The following FGD4 variants were observed in gnomAD, a reference collection of about 807,000 sequenced individuals.
FGD4 encodes FYVE, RhoGEF and PH domain-containing protein 4.
In FGD4, 42 loss-of-function variants were observed where a neutral mutation model predicts 102.0. The ratio of observed to expected loss-of-function variants is 0.41; its 90% CI spans 0.32 to 0.53. The LOEUF is 0.53. Ranked by LOEUF, FGD4 falls within the 20% of genes least tolerant of loss-of-function variation. The pLI is 0.21. For synonymous variants in FGD4, 380 were observed against 375.7 expected, an observed-to-expected ratio of 1.01 and a Z score of -0.13; for missense variants, 902 against 1,078.2, an observed-to-expected ratio of 0.84 and a Z score of 2.29.
chr12:32,523,760 G>A (rs942941160), intron 1 of FGD4, among the ~76,000 whole-genome samples: 1 of 151,998 alleles, frequency 6.6e-6, no homozygotes, highest in Non-Finnish European at 1.5e-5. Flanking sequence ...AGATCATGAG[G>A]TCAGGAGATC....
chr12:32,467,972 C>T (rs999219780), intron 1 of FGD4, among the ~76,000 whole-genome samples: 2 of 152,194 alleles, frequency 1.3e-5, no homozygotes, highest in East Asian at 1.9e-4. Flanking sequence ...GCCGAAATCA[C>T]GCCATTGCAC....
In FGD4 at chr12:32,582,022, C is replaced by T; in HGVS notation, c.566C>T (p.Thr189Ile). 1 of 1,614,122 alleles carries T rather than the reference C, an allele frequency of 6.2e-7. No homozygotes were observed. Among genetic ancestry groups the T allele is most frequent in the Non-Finnish European group, 8.5e-7 (1 of 1,180,016 alleles). Reference protein sequence around the residue: ...ESAVNLNAPRTPGRHGLTTTP... With the variant: ...ESAVNLNAPRIPGRHGLTTTP... ...GCTGTGAACCTAAATGCTCCTAGAACCCCAGGAAGGCATGGATTGACAACC... is the reference window on the plus strand; with the variant it reads ...GCTGTGAACCTAAATGCTCCTAGAATCCCAGGAAGGCATGGATTGACAACC... The change falls in exon 4 of 17, where the codon ACC becomes ATC. Residue 189 changes from threonine (T) to isoleucine (I), a missense_variant. Around this residue, in one of 2 missense-constraint regions of FGD4, gnomAD observed 443 missense variants for 459.2 expected, o/e 0.96. Transcript: ENST00000534526.
At chr12:32,624,357 G>A (rs1592449095) in intron 11 of FGD4, 65 bp from the exon 12 acceptor site, 2 of 1,287,848 alleles carry the variant, frequency 1.6e-6, no homozygotes, top group East Asian at 4.7e-5. Context: ...GGAAAGCATA[G>A]TTTTATTCAC....
In FGD4 at chr12:32,496,338, T is replaced by C. The variant is rs1160082537; in HGVS notation, c.167-67799T>C. ...ACCAAAAATACGAAGAGAAGGTTCA[T>C]AATGTTGATAATTTATTAGCTTTTG... On this transcript the variant is annotated intron_variant, in intron 1 of 16. Transcript: ENST00000534526. 2.6e-5 allele frequency among the ~76,000 whole-genome samples: 4 copies of C among 152,362 alleles called. No individual in the cohort carries two copies. The East Asian group carries it at 7.7e-4, about 29-fold the overall frequency.
At chr12:32,585,406 T>C (rs1166584150) in intron 4 of FGD4, among the ~76,000 whole-genome samples, 4 of 151,840 alleles carry the variant, frequency 2.6e-5, no homozygotes, top group Non-Finnish European at 5.9e-5. Context: ...AAAAATTCAG[T>C]GTGCCAGTCT....
intron 6 of FGD4, among the ~76,000 whole-genome samples, chr12:32,601,733 C>T (rs560441827): frequency 5.7e-4 from 87 of 152,288 alleles, no homozygotes; most frequent in African/African-American, 2.0e-3. Context: ...CCTCACAGTA[C>T]GGTGAATGAG....
At chr12:32,491,132 TAAAAAAA>T (rs72008264) in intron 1 of FGD4, among the ~76,000 whole-genome samples, 1 of 106,564 alleles carries the variant, frequency 9.4e-6, no homozygotes, top group African/African-American at 3.6e-5. Flanking sequence ...TTCTGCCAGT[TAAAAAAA>T]AAAAAAAAAA....
chr12:32,560,274 T>C (rs1295978033), intron 1 of FGD4, among the ~76,000 whole-genome samples: 2 of 152,242 alleles, frequency 1.3e-5, no homozygotes, highest in African/African-American at 4.8e-5. Context: ...TGAGATGGTG[T>C]CTCGCTCTGT....
intron 1 of FGD4, among the ~76,000 whole-genome samples, chr12:32,463,145 T>C (rs993125491): frequency 2.0e-5 from 3 of 152,254 alleles, no homozygotes; most frequent in African/African-American, 7.2e-5. Context: ...ACTTGGTGTG[T>C]ATGATCTCAC....
intron 1 of FGD4, among the ~76,000 whole-genome samples, chr12:32,402,184 G>C (rs1036271359): frequency 3.6e-5 from 5 of 138,274 alleles, no homozygotes; most frequent in Non-Finnish European, 7.6e-5. Flanking sequence ...GCTCACGCCT[G>C]TAATCCCAGC....
chr12:32,520,441 T>G (rs1022350394), intron 1 of FGD4, among the ~76,000 whole-genome samples: 6 of 99,628 alleles, frequency 6.0e-5, no homozygotes, highest in Admixed American at 3.1e-4. Context: ...TTGTTTTTTG[T>G]TTTTTTTTTT....
At chr12:32,611,370 C>CT in intron 10 of FGD4, 87 bp downstream of exon 10, 2 of 1,501,026 alleles carry the variant, frequency 1.3e-6, no homozygotes, top group Non-Finnish European at 9.2e-7. Context: ...AATCCCAGCA[C>CT]TTTGGGAGGC....
chr12:32,620,551 A>T (rs1592435361), intron 11 of FGD4, among the ~76,000 whole-genome samples: 2 of 82,724 alleles, frequency 2.4e-5, no homozygotes, highest in South Asian at 4.1e-4. Context: ...TTTGAGATGG[A>T]GTTTCGCTCT....
chr12:32,498,816 T>C (rs1395804847), intron 1 of FGD4, among the ~76,000 whole-genome samples: 1 of 152,204 alleles, frequency 6.6e-6, no homozygotes, highest in Non-Finnish European at 1.5e-5. Flanking sequence ...TTGGTCAGGC[T>C]GGTCTCGAAC....
intron 1 of FGD4, among the ~76,000 whole-genome samples, chr12:32,450,201 G>A (rs1478039782): frequency 6.6e-6 from 1 of 152,110 alleles, no homozygotes; most frequent in Non-Finnish European, 1.5e-5. Flanking sequence ...AAACTGCTGG[G>A]ATTACAGGCA....
Position 32,608,157 on chromosome 12 carries a change from T to C in FGD4, c.1543+62T>C, listed in dbSNP as rs924646759. On this transcript the variant is annotated intron_variant, in intron 8 of 16. Coordinates refer to ENST00000534526, the MANE Select transcript of FGD4 (RefSeq NM_001370298.3). Reference sequence around the variant, plus strand: ...ATAATCAAGTGGCCAAGCAGCCTTATGGTTTCAAAGAGAAATACATCTCAC... The same window carrying C: ...ATAATCAAGTGGCCAAGCAGCCTTACGGTTTCAAAGAGAAATACATCTCAC... 1.9e-6 allele frequency: 3 copies of C among 1,600,886 alleles called. No homozygotes were observed. The African/African-American group carries it at 4.0e-5, about 21-fold the overall frequency.
Position 32,576,320 on chromosome 12 carries a change from C to T in FGD4, c.374C>T (p.Thr125Ile). The change falls in exon 3 of 17, where the codon ACC (threonine) becomes ATC (isoleucine). Residue 125 changes from threonine (T) to isoleucine (I), a missense_variant. Physicochemically the swap from Thr to Ile is moderately conservative, Grantham distance 89 (BLOSUM62 -1). Around this residue, in one of 2 missense-constraint regions of FGD4, gnomAD observed 443 missense variants for 459.2 expected, o/e 0.96. Transcript: ENST00000534526. ...QNSPSSNIHQ[T>I]PRHKALPSAK... ...TCACCTTCGTCCAATATACACCAAACCCCCAGGCATAAAGCTTTACCTAGT... is the reference window on the plus strand; with the variant it reads ...TCACCTTCGTCCAATATACACCAAATCCCCAGGCATAAAGCTTTACCTAGT... The T allele has an allele frequency of 6.2e-7, 1 of 1,613,760 alleles. No homozygotes were observed. The highest frequency in any genetic ancestry group is 8.5e-7 in the Non-Finnish European group (1 of 1,179,842).
chr12:32,473,262 C>A (rs1220960711), intron 1 of FGD4, among the ~76,000 whole-genome samples: 1 of 151,920 alleles, frequency 6.6e-6, no homozygotes, highest in Non-Finnish European at 1.5e-5. Context: ...GTGTCCCCTT[C>A]CACACTGTGG....
chr12:32,464,333 A>G (rs905727553), intron 1 of FGD4, among the ~76,000 whole-genome samples: 4 of 151,992 alleles, frequency 2.6e-5, no homozygotes, highest in African/African-American at 7.2e-5. Flanking sequence ...TTTCTGTTTT[A>G]GTAGAGACAG....
Sources: gnomAD v4.1 joint callset for allele counts (sites outside exome capture counted in the v4.1 genomes callset) on GRCh38, gnomAD v4.1.1 for gene constraint, gnomAD v4.1.1 regional missense constraint, MANE v1.5 for transcripts, NCBI Gene and HGNC (gene_info 2026-07-23, HGNC 2026-07-21) for gene names.